Variants in LAMC1 observed in about 807,000 individuals in gnomAD.
The protein encoded by LAMC1 is laminin subunit gamma 1, also known as laminin subunit gamma-1.
Under a neutral mutation model 173.6 loss-of-function variants are expected in LAMC1, and 38 were observed. The ratio of observed to expected loss-of-function variants is 0.22; its 90% CI spans 0.17 to 0.29. The LOEUF (loss-of-function observed/expected upper bound fraction) is 0.29. Among genes scored for constraint, LAMC1 ranks in the 10% least tolerant of loss-of-function variants. The probability of loss-of-function intolerance (pLI) is 1.00; values close to 1 mark genes in which losing one functional copy is unlikely to be tolerated. For synonymous variants in LAMC1, 746 were observed against 749.1 expected (o/e 1.00, Z 0.07); for missense variants, 1,824 against 2,051.8 (o/e 0.89, Z 2.14).
At chr1:183,028,064 T>G (rs928161749) in intron 1 of LAMC1, among the ~76,000 whole-genome samples, 2 of 152,158 alleles carry the variant, frequency 1.3e-5, no homozygotes, top group African/African-American at 4.8e-5. Flanking sequence ...TACAGTTCAC[T>G]GCTTTTTCTC....
chr1:183,129,899 CTTCAACTTATGTTTT>C (rs1272785657), intron 18 of LAMC1, among the ~76,000 whole-genome samples: 1 of 152,156 alleles, frequency 6.6e-6, no homozygotes, highest in Non-Finnish European at 1.5e-5. Context: ...ATTTGTCATA[CTTCAACTTATGTTTT>C]AAACCTAGTT....
At chr1:183,067,241 A>AT (rs1405191185) in intron 1 of LAMC1, among the ~76,000 whole-genome samples, 4 of 151,920 alleles carry the variant, frequency 2.6e-5, no homozygotes, top group Non-Finnish European at 2.9e-5. Flanking sequence ...TAGCTCTGGG[A>AT]TTTTTTTCAG....
intron 4 of LAMC1, 30 bp downstream of exon 4, chr1:183,110,684 T>G: frequency 6.2e-7 from 1 of 1,609,412 alleles, no homozygotes. Context: ...AGTCTGTCAG[T>G]TGTCTTAAGG....
intron 1 of LAMC1, among the ~76,000 whole-genome samples, chr1:183,056,171 C>T (rs980650825): frequency 1.3e-5 from 2 of 152,342 alleles, no homozygotes; most frequent in Middle Eastern, 3.4e-3. Context: ...GCCAGCCATG[C>T]TTCAGCTGCC....
chr1:183,107,855 G>A (rs1469153077), intron 2 of LAMC1, among the ~76,000 whole-genome samples: 1 of 151,976 alleles, frequency 6.6e-6, no homozygotes, highest in Non-Finnish European at 1.5e-5. Flanking sequence ...AAAGGACAGG[G>A]GCAGGCAATG....
chr1:183,135,210 T>C, intron 24 of LAMC1, 54 bp downstream of exon 24: 1 of 1,062,936 alleles, frequency 9.4e-7, no homozygotes, highest in Non-Finnish European at 1.4e-6. Flanking sequence ...GAGTGATTTT[T>C]TTTTTTAATC....
chr1:183,049,667 T>G (rs1191737494), intron 1 of LAMC1, among the ~76,000 whole-genome samples: 1 of 152,070 alleles, frequency 6.6e-6, no homozygotes, highest in Non-Finnish European at 1.5e-5. Flanking sequence ...TTTCACCATG[T>G]TGGCCAGGCT....
intron 16 of LAMC1, 92 bp downstream of exon 16, chr1:183,126,354 C>A: frequency 7.7e-7 from 1 of 1,297,126 alleles, no homozygotes; most frequent in African/African-American, 1.5e-5. Context: ...CTCAGTCTAG[C>A]CACTTGACTC....
rs904056588 is a variant in LAMC1, at chr1:183,142,830, G to T, written c.*40G>T. The T allele has an allele frequency of 1.3e-6, 2 of 1,565,780 alleles. No individual in the cohort carries two copies. The highest frequency in any genetic ancestry group is 8.6e-7 in the Non-Finnish European group (1 of 1,158,080). ...GAAGGCAGCATCCCTCTGACAGGGG[G>T]GCAGTTGTGAGGCCACAGAGTGCCT... On this transcript the variant is annotated 3_prime_UTR_variant, in exon 28 of 28. Transcript: ENST00000258341.
intron 1 of LAMC1, among the ~76,000 whole-genome samples, chr1:183,046,347 A>G (rs1654267836): frequency 6.6e-6 from 1 of 152,118 alleles, no homozygotes; most frequent in Non-Finnish European, 1.5e-5. Context: ...ATTTAGAATC[A>G]GGTTGTCAAG....
chr1:183,090,978 C>T (rs1349057630), intron 1 of LAMC1, among the ~76,000 whole-genome samples: 1 of 152,162 alleles, frequency 6.6e-6, no homozygotes, highest in Non-Finnish European at 1.5e-5. Context: ...ATCAAAATCT[C>T]CATCCCCTCC....
chr1:183,132,004 A>G (rs1656809081), intron 20 of LAMC1, among the ~76,000 whole-genome samples: 1 of 152,232 alleles, frequency 6.6e-6, no homozygotes, highest in South Asian at 2.1e-4. Flanking sequence ...GTATATGTAC[A>G]TATAATAAAG....
intron 1 of LAMC1, among the ~76,000 whole-genome samples, chr1:183,060,798 G>A (rs1460753526): frequency 1.3e-5 from 2 of 152,226 alleles, no homozygotes; most frequent in East Asian, 3.8e-4. Context: ...TGATATAACA[G>A]TATGAGCAAA....
chr1:183,139,035 C>T (rs568277179), intron 26 of LAMC1, among the ~76,000 whole-genome samples: 4 of 152,100 alleles, frequency 2.6e-5, no homozygotes, highest in East Asian at 3.9e-4. Flanking sequence ...CAGAGGAAGA[C>T]TCCGTCTCAA....
intron 1 of LAMC1, among the ~76,000 whole-genome samples, chr1:183,028,744 C>G (rs1653760669): frequency 6.6e-6 from 1 of 152,210 alleles, no homozygotes; most frequent in Non-Finnish European, 1.5e-5. Context: ...CTTCTGCATA[C>G]TTCTTTTTAT....
intron 1 of LAMC1, among the ~76,000 whole-genome samples, chr1:183,071,955 G>A (rs1161382689): frequency 6.6e-6 from 1 of 152,218 alleles, no homozygotes; most frequent in East Asian, 1.9e-4. Flanking sequence ...ATTCTCTAAT[G>A]CAGTGTTATG....
At chr1:183,101,375 C>A (rs1448515180) in intron 1 of LAMC1, among the ~76,000 whole-genome samples, 1 of 151,334 alleles carries the variant, frequency 6.6e-6, no homozygotes, top group Non-Finnish European at 1.5e-5. Flanking sequence ...ACAGGTAAAA[C>A]TTGCATTCTT....
chr1:183,140,504 G>A lies in LAMC1; in HGVS notation c.4573+1G>A. 1 of 1,602,764 alleles carries A rather than the reference G, an allele frequency of 6.2e-7. No homozygotes were observed. Among genetic ancestry groups the A allele is most frequent in the Non-Finnish European group, 8.5e-7 (1 of 1,170,326 alleles). ...ATTAATGACCTCTTGGAGCAGCTGG[G>A]TACGTAGCCATAGAGTCATTTTTGT... On this transcript the variant is annotated splice_donor_variant, in intron 27 of 27. Transcript: ENST00000258341. LOFTEE classifies it high-confidence loss of function.
intron 1 of LAMC1, among the ~76,000 whole-genome samples, chr1:183,082,881 C>T (rs1193826599): frequency 1.3e-5 from 2 of 152,160 alleles, no homozygotes; most frequent in Non-Finnish European, 2.9e-5. Context: ...CTGTGAGGTT[C>T]TGCCAGCCTC....
Sources: gnomAD v4.1 joint callset for allele counts (sites outside exome capture counted in the v4.1 genomes callset) on GRCh38, gnomAD v4.1.1 for gene constraint, MANE v1.5 for transcripts, NCBI Gene and HGNC (gene_info 2026-07-23, HGNC 2026-07-21) for gene names.